HBD: variants seen among roughly 807,000 people sequenced by gnomAD.
HBD encodes the protein hemoglobin subunit delta.
In HBD, 11 loss-of-function variants were observed where a neutral mutation model predicts 9.2. The ratio of observed to expected loss-of-function variants is 1.20; its 90% CI spans 0.76 to 1.99. The LOEUF (loss-of-function observed/expected upper bound fraction) is 1.99, where lower values mean the gene tolerates loss of function less well. HBD is among the 30% of genes most tolerant of loss of function. The pLI is 0.00. For missense variants in HBD, 189 were observed against 174.3 expected, an observed-to-expected ratio of 1.08 and a Z score of -0.47; for synonymous variants, 83 against 69.4, an observed-to-expected ratio of 1.20 and a Z score of -0.98.
chr11:5,233,104 A>G lies in HBD; in HGVS notation c.316-12T>C, dbSNP rs1239838435. 1.2e-6 allele frequency: 2 copies of G among 1,613,710 alleles called. No homozygotes were observed. Among genetic ancestry groups the G allele is most frequent in the Non-Finnish European group, 1.7e-6 (2 of 1,179,834 alleles). On this transcript the variant is annotated splice_polypyrimidine_tract_variant and intron_variant, in intron 2 of 2. Transcript: ENST00000650601. ...ACATTGCCCAAGAGCTGCGGAGAAG[A>G]GGTAGGCAGATACATGCATATGGTT...
chr11:5,234,082 C>A lies in HBD; in HGVS notation c.224G>T (p.Gly75Val), dbSNP rs281864507. The part of the protein sequence containing the change: ...GKKVLGAFSD[G>V]LAHLDNLKGT... ...CTTGAGGTTGTCCAGGTGAGCCAGG[C>A]CATCACTAAAGGCACCTAGCACCTT... Residue 75 changes from glycine to valine, a missense_variant, in exon 2 of 3, where the codon GGC becomes GTC. By Grantham distance (109) the Gly-to-Val change is moderately radical. Transcript: ENST00000650601. 2 of 1,614,068 alleles carry A rather than the reference C, an allele frequency of 1.2e-6. No homozygotes were observed. The highest frequency in any genetic ancestry group is 1.7e-6 in the Non-Finnish European group (2 of 1,179,976).
Position 5,233,068 on chromosome 11 carries a change from C to T in HBD, c.340G>A (p.Val114Met). Residue 114 changes from valine (V) to methionine (M), a missense_variant, in exon 3 of 3, where the codon GTG becomes ATG. Physicochemically the swap from Val to Met is conservative, Grantham distance 21. Transcript: ENST00000650601. ...TCCTTGCCAAAGTTGCGGGCCAGCA[C>T]ACACACCAGCACATTGCCCAAGAGC... ...FRLLGNVLVC[V>M]LARNFGKEFT... is the part of the protein sequence containing the mutation. 6 of 1,614,024 alleles carry T rather than the reference C, an allele frequency of 3.7e-6. No individual in the cohort carries two copies. The highest frequency in any genetic ancestry group is 5.1e-6 in the Non-Finnish European group (6 of 1,179,950).
At position 5,234,202 on chromosome 11, in the gene HBD, A is replaced by T; in HGVS notation, c.104T>A (p.Val35Asp). ...GGEALGRLLV[V>D]YPWTQRFFES... ...AAAGAACCTCTGGGTCCAAGGGTAG[A>T]CCACCAGTAATCTGAGGGTAGGAAA... is the stretch of plus-strand genomic sequence containing the variant. Residue 35 changes from valine (V) to aspartate (D), a missense_variant, in exon 2 of 3, where the codon GTC (valine) becomes GAC (aspartate). Physicochemically the swap from Val to Asp is radical, Grantham distance 152. Coordinates refer to ENST00000650601, the MANE Select transcript of HBD (RefSeq NM_000519.4). The T allele has an allele frequency of 6.2e-7, 1 of 1,613,996 alleles. No homozygotes were observed.
At chr11:5,233,122 A>C in intron 2 of HBD, 30 bp from the exon 3 acceptor site, 4 of 1,613,270 alleles carry the variant, frequency 2.5e-6, no homozygotes, top group Non-Finnish European at 3.4e-6. Context: ...AGATACATGC[A>C]TATGGTTAAC....
chr11:5,233,117 C>T, intron 2 of HBD, 25 bp from the exon 3 acceptor site: 2 of 1,613,416 alleles, frequency 1.2e-6, no homozygotes, highest in Non-Finnish European at 8.5e-7. Context: ...TAGGCAGATA[C>T]ATGCATATGG....
rs35769679 is a variant in HBD, at chr11:5,233,097, G to A, written c.316-5C>T. ...CACCAGCACATTGCCCAAGAGCTGC[G>A]GAGAAGAGGTAGGCAGATACATGCA... On this transcript the variant is annotated splice_region_variant and splice_polypyrimidine_tract_variant and intron_variant, in intron 2 of 2. Transcript: ENST00000650601. 1.5e-4 allele frequency: 246 copies of A among 1,613,680 alleles called. No individual in the cohort carries two copies. Among genetic ancestry groups the A allele is most frequent in the Non-Finnish European group, 1.7e-4 (204 of 1,179,872 alleles).
In HBD at chr11:5,232,964, TCAATGGTACTTGTGAGCCAGGG is replaced by T; in HGVS notation, c.422_443del (p.Ala141GlufsTer?). 1.9e-6 allele frequency: 3 copies of T among 1,614,082 alleles called. No individual in the cohort carries two copies. Among genetic ancestry groups the T allele is most frequent in the Non-Finnish European group, 2.5e-6 (3 of 1,179,946 alleles). Reference sequence around the variant, plus strand: ...GGTTATCAGGAAACAGTCCAGGATCTCAATGGTACTTGTGAGCCAGGGCATTAGCCACACCAGCCACCACCTT... The same window carrying T: ...GGTTATCAGGAAACAGTCCAGGATCTCATTAGCCACACCAGCCACCACCTT... On this transcript the variant is annotated frameshift_variant and stop_lost, in exon 3 of 3. Transcript: ENST00000650601. LOFTEE classifies it high-confidence loss of function.
At chr11:5,233,204 C>T in intron 2 of HBD, 112 bp from the exon 3 acceptor site, 1 of 1,032,890 alleles carries the variant, frequency 9.7e-7, no homozygotes, top group Non-Finnish European at 1.5e-6. Context: ...TTAGACAAAA[C>T]TGATCCCCAG....
At position 5,233,041 on chromosome 11, in the gene HBD, A is replaced by G; in HGVS notation, c.367T>C (p.Phe123Leu). 6.2e-7 allele frequency: 1 copy of G among 1,614,070 alleles called. No homozygotes were observed. The highest frequency in any genetic ancestry group is 8.5e-7 in the Non-Finnish European group (1 of 1,179,966). ...CVLARNFGKEFTPQMQAAYQK... is the reference protein window; with the variant it reads ...CVLARNFGKELTPQMQAAYQK... ...TAGGCAGCCTGCATTTGTGGGGTGA[A>G]TTCCTTGCCAAAGTTGCGGGCCAGC... The change falls in exon 3 of 3, where the codon TTC becomes CTC. Residue 123 changes from phenylalanine (F) to leucine (L), a missense_variant. Transcript: ENST00000650601.
At position 5,234,227 on chromosome 11, in the gene HBD, A is replaced by G. The variant is rs372403672; in HGVS notation, c.93-14T>C. On this transcript the variant is annotated splice_polypyrimidine_tract_variant and intron_variant, in intron 1 of 2. Transcript: ENST00000650601. Reference sequence around the variant, plus strand: ...ACCACCAGTAATCTGAGGGTAGGAAAACAGCCCAAGGGACAGAGAGTCAGT... The same window carrying G: ...ACCACCAGTAATCTGAGGGTAGGAAGACAGCCCAAGGGACAGAGAGTCAGT... 31 of 1,611,560 alleles carry G rather than the reference A, an allele frequency of 1.9e-5. No homozygotes were observed. Among genetic ancestry groups the G allele is most frequent in the Non-Finnish European group, 2.5e-5 (29 of 1,177,816 alleles).
At chr11:5,233,134 G>A (rs1469588735) in intron 2 of HBD, 42 bp from the exon 3 acceptor site, 1 of 1,610,986 alleles carries the variant, frequency 6.2e-7, no homozygotes, top group Non-Finnish European at 8.5e-7. Context: ...ATGGTTAACA[G>A]AGAAATAAAG....
chr11:5,234,477 A>G lies in HBD; in HGVS notation c.-44T>C, dbSNP rs189737412. On this transcript the variant is annotated 5_prime_UTR_variant, in exon 1 of 3. Transcript: ENST00000650601. The stretch of plus-strand genomic sequence containing the variant: ...CTAGTGAACACTGTTATGTCAGAAG[A>G]AAGTGTAAGCAACAGTCGACTCTGC... 257 of 1,421,256 alleles carry G rather than the reference A, an allele frequency of 1.8e-4. 2 individuals carry two copies. The African/African-American group carries it at 2.8e-3, about 16-fold the overall frequency. 88.0% of individuals were successfully genotyped at this position (1,421,256 alleles called of 1,614,324 possible).
chr11:5,234,174 C>T lies in HBD; in HGVS notation c.132G>A (p.Glu44=). ...VVYPWTQRFF[E]SFGDLSSPDA... is the part of the protein sequence containing the mutation. The stretch of plus-strand genomic sequence containing the variant: ...CAGGAGAGGACAGATCCCCAAAGGA[C>T]TCAAAGAACCTCTGGGTCCAAGGGT... Residue 44 remains glutamate, a synonymous_variant, in exon 2 of 3, where the codon GAG becomes GAA. Transcript: ENST00000650601. 6.2e-7 allele frequency: 1 copy of T among 1,614,108 alleles called. No individual in the cohort carries two copies. The highest frequency in any genetic ancestry group is 1.7e-5 in the Admixed American group (1 of 60,010).
Position 5,234,177 on chromosome 11 carries a change from A to C in HBD, c.129T>G (p.Phe43Leu), listed in dbSNP as rs1463947121. Residue 43 changes from phenylalanine (F) to leucine (L), a missense_variant, in exon 2 of 3, where the codon TTT becomes TTG. Phe to Leu is a conservative substitution (Grantham distance 22, BLOSUM62 0). Transcript: ENST00000650601. ...LVVYPWTQRFFESFGDLSSPD... is the reference protein window; with the variant it reads ...LVVYPWTQRFLESFGDLSSPD... ...GAGAGGACAGATCCCCAAAGGACTCAAAGAACCTCTGGGTCCAAGGGTAGA... is the reference window on the plus strand; with the variant it reads ...GAGAGGACAGATCCCCAAAGGACTCCAAGAACCTCTGGGTCCAAGGGTAGA... 6.2e-7 allele frequency: 1 copy of C among 1,614,032 alleles called. No homozygotes were observed. Among genetic ancestry groups the C allele is most frequent in the African/African-American group, 1.3e-5 (1 of 74,932 alleles).
Position 5,233,059 on chromosome 11 carries a change from G to A in HBD, c.349C>T (p.Arg117Cys), listed in dbSNP as rs33971270. The change falls in exon 3 of 3, where the codon CGC becomes TGC. Residue 117 changes from arginine to cysteine, a missense_variant. Coordinates refer to ENST00000650601, the MANE Select transcript of HBD (RefSeq NM_000519.4). ...GGGGTGAATTCCTTGCCAAAGTTGCGGGCCAGCACACACACCAGCACATTG... is the reference window on the plus strand; with the variant it reads ...GGGGTGAATTCCTTGCCAAAGTTGCAGGCCAGCACACACACCAGCACATTG... Reference protein sequence around the residue: ...LGNVLVCVLARNFGKEFTPQM... With the variant: ...LGNVLVCVLACNFGKEFTPQM... The A allele has an allele frequency of 2.7e-5, 43 of 1,613,892 alleles. No homozygotes were observed. Among genetic ancestry groups the A allele is most frequent in the Non-Finnish European group, 3.4e-5 (40 of 1,179,958 alleles).
chr11:5,234,194 A>G lies in HBD; in HGVS notation c.112T>C (p.Trp38Arg). The change falls in exon 2 of 3, where the codon TGG (tryptophan) becomes CGG (arginine). Residue 38 changes from tryptophan to arginine, a missense_variant. Physicochemically the swap from Trp to Arg is moderately radical, Grantham distance 101. Coordinates refer to ENST00000650601, the MANE Select transcript of HBD (RefSeq NM_000519.4). ...AAGGACTCAAAGAACCTCTGGGTCC[A>G]AGGGTAGACCACCAGTAATCTGAGG... ...ALGRLLVVYP[W>R]TQRFFESFGD... The G allele has an allele frequency of 6.2e-7, 1 of 1,614,090 alleles. No homozygotes were observed. The highest frequency in any genetic ancestry group is 1.1e-5 in the South Asian group (1 of 91,080).
Position 5,232,875 on chromosome 11 carries a change from C to A in HBD, c.*89G>T. On this transcript the variant is annotated 3_prime_UTR_variant, in exon 3 of 3. Transcript: ENST00000650601. ...TTCTTTATTAGGCAGAAGCCATACC[C>A]TTGAAGTAGGCATTGTGTTCCCAAG... is the stretch of plus-strand genomic sequence containing the variant. The A allele has an allele frequency of 4.3e-6, 7 of 1,612,642 alleles. No individual in the cohort carries two copies. Among genetic ancestry groups the A allele is most frequent in the Non-Finnish European group, 5.9e-6 (7 of 1,178,710 alleles).
At chr11:5,233,918 G>A in intron 2 of HBD, 73 bp downstream of exon 2, 1 of 1,216,352 alleles carries the variant, frequency 8.2e-7, no homozygotes, top group South Asian at 1.2e-5. Flanking sequence ...TGGGAGAAGA[G>A]CAGGTAGGTA....
Position 5,234,374 on chromosome 11 carries a change from G to A in HBD, c.60C>T (p.Asn20=), listed in dbSNP as rs777991732. 1.4e-5 allele frequency: 22 copies of A among 1,613,790 alleles called. No individual in the cohort carries two copies. The highest frequency in any genetic ancestry group is 6.7e-5 in the Admixed American group (4 of 59,998). The change falls in exon 1 of 3, where the codon AAC becomes AAT. Residue 20 remains asparagine (N), a synonymous_variant. Coordinates refer to ENST00000650601, the MANE Select transcript of HBD (RefSeq NM_000519.4). ...GGGCCTCACCACCAACTGCATCCAC[G>A]TTCACTTTGCCCCACAGGGCATTGA... The part of the protein sequence containing the change: ...TAVNALWGKV[N]VDAVGGEALG...
Sources: gnomAD v4.1 joint callset for allele counts on GRCh38, gnomAD v4.1.1 for gene constraint, MANE v1.5 for transcripts, NCBI Gene and HGNC (gene_info 2026-07-23, HGNC 2026-07-21) for gene names.